The following CDON variants were observed in gnomAD, a reference collection of about 807,000 sequenced individuals.
CDON encodes the protein cell adhesion associated, oncogene regulated, also known as cell adhesion molecule-related/down-regulated by oncogenes.
CDON carries 73 observed loss-of-function variants against 120.9 expected under a neutral mutation model. That is an observed-to-expected ratio of 0.60 (90% CI 0.50 to 0.73). The LOEUF is 0.73. Among genes scored for constraint, CDON ranks in the 30% least tolerant of loss-of-function variants. CDON has a pLI of 0.00. For synonymous variants in CDON, 566 were observed against 573.5 expected (o/e 0.99, Z 0.19); for missense variants, 1,470 against 1,587.3 (o/e 0.93, Z 1.26).
chr11:125,994,297 C>T lies in CDON; in HGVS notation c.2637G>A (p.Arg879=), dbSNP rs1946713601. 1 of 1,581,650 alleles carries T rather than the reference C, an allele frequency of 6.3e-7. No individual in the cohort carries two copies. The change falls in exon 14 of 20, where the codon AGG becomes AGA. Residue 879 remains arginine (R), a synonymous_variant. Coordinates refer to ENST00000531738, the MANE Select transcript of CDON (RefSeq NM_001378964.1). ...CAGGGGACTTACCTTCTACAACATC[C>T]CTCTTGTAATCACTGTCATTGTCAC... ...TDSDNDSDYK[R]DVVEGSKQWH...
intron 10 of CDON, among the ~76,000 whole-genome samples, chr11:126,003,004 C>T (rs749960633): frequency 3.3e-5 from 5 of 152,160 alleles, no homozygotes; most frequent in Admixed American, 6.5e-5. Flanking sequence ...ACTTCCCCTC[C>T]TTCATGTCTC....
At position 125,961,065 on chromosome 11, in the gene CDON, T is replaced by A. The variant is rs754634732; in HGVS notation, c.3672A>T (p.Val1224=). The A allele has an allele frequency of 1.2e-6, 2 of 1,613,980 alleles. No homozygotes were observed. The highest frequency in any genetic ancestry group is 3.3e-5 in the Admixed American group (2 of 60,030). The change falls in exon 20 of 20, where the codon GTA becomes GTT. Residue 1224 remains valine, a synonymous_variant. Transcript: ENST00000531738. ...GTGGCAAAATAAGAGCATTCCAACT[T>A]ACAATGTTGATCTCTGTTTCTGAAT... ...CAHSETEINI[V]SWNALILPPV...
At chr11:126,062,004 T>C (rs1948809263) in intron 1 of CDON, among the ~76,000 whole-genome samples, 1 of 152,198 alleles carries the variant, frequency 6.6e-6, no homozygotes, top group Non-Finnish European at 1.5e-5. Context: ...AGCTGCCGAC[T>C]GAAATAAATA....
chr11:125,980,716 C>T (rs1946271494), intron 17 of CDON, among the ~76,000 whole-genome samples: 1 of 152,230 alleles, frequency 6.6e-6, no homozygotes, highest in Non-Finnish European at 1.5e-5. Flanking sequence ...TTTGCATTTT[C>T]AAGACCCTGC....
Position 126,021,243 on chromosome 11 carries a change from C to G in CDON, c.349+5G>C. ...CATACCTAACAGGGACAAAATTAAA[C>G]TCACCTGCCACAGATACTGTCGCAG... On this transcript the variant is annotated splice_donor_5th_base_variant and intron_variant, in intron 3 of 19. Coordinates refer to ENST00000531738, the MANE Select transcript of CDON (RefSeq NM_001378964.1). 6.2e-7 allele frequency: 1 copy of G among 1,613,712 alleles called. No individual in the cohort carries two copies. The highest frequency in any genetic ancestry group is 8.5e-7 in the Non-Finnish European group (1 of 1,179,866).
intron 2 of CDON, among the ~76,000 whole-genome samples, chr11:126,021,857 A>C (rs1188303246): frequency 6.6e-6 from 1 of 152,144 alleles, no homozygotes; most frequent in Non-Finnish European, 1.5e-5. Flanking sequence ...TAATACCAGC[A>C]CTTTGGGAGG....
At chr11:125,995,461 A>G (rs1946753998) in intron 12 of CDON, among the ~76,000 whole-genome samples, 1 of 152,240 alleles carries the variant, frequency 6.6e-6, no homozygotes, top group African/African-American at 2.4e-5. Flanking sequence ...ACTTTAAAAG[A>G]AACAACTGAA....
intron 18 of CDON, among the ~76,000 whole-genome samples, chr11:125,978,056 TATA>T (rs925820929): frequency 6.6e-6 from 1 of 152,168 alleles, no homozygotes; most frequent in Non-Finnish European, 1.5e-5. Context: ...CATTAAGCCT[TATA>T]ATAATATTTC....
rs372854465 is a variant in CDON, at chr11:126,005,781, G to C, written c.1829C>G (p.Ala610Gly). ...AGKDGGLPIN[A>G]YFVKYRKLDD... ...TACCTTTCGATACTTCACAAAGTAA[G>C]CATTGATGGGCAGCCCACCATCCTT... Residue 610 changes from alanine to glycine, a missense_variant, in exon 9 of 20, where the codon GCT (alanine) becomes GGT (glycine). Physicochemically the swap from Ala to Gly is moderately conservative, Grantham distance 60. Coordinates refer to ENST00000531738, the MANE Select transcript of CDON (RefSeq NM_001378964.1). The C allele has an allele frequency of 1.9e-6, 3 of 1,613,730 alleles. No homozygotes were observed. The highest frequency in any genetic ancestry group is 2.7e-5 in the African/African-American group (2 of 74,926).
At chr11:126,000,250 C>T (rs1946903164) in intron 11 of CDON, among the ~76,000 whole-genome samples, 1 of 152,166 alleles carries the variant, frequency 6.6e-6, no homozygotes, top group Non-Finnish European at 1.5e-5. Context: ...CTCTGTCACC[C>T]AGGCTGGAGT....
chr11:126,042,147 G>A (rs1251686640), intron 1 of CDON, among the ~76,000 whole-genome samples: 1 of 152,168 alleles, frequency 6.6e-6, no homozygotes, highest in East Asian at 1.9e-4. Context: ...GCCTCCCAAA[G>A]TGCTGGGATT....
rs1947268813 is a variant in CDON, at chr11:126,010,580, C to G, written c.1313G>C (p.Trp438Ser). 2 of 1,613,936 alleles carry G rather than the reference C, an allele frequency of 1.2e-6. No individual in the cohort carries two copies. The highest frequency in any genetic ancestry group is 8.5e-7 in the Non-Finnish European group (1 of 1,179,962). The change falls in exon 8 of 20, where the codon TGG becomes TCG. Residue 438 changes from tryptophan (W) to serine (S), a missense_variant. Trp to Ser is a radical substitution (Grantham distance 177). Transcript: ENST00000531738. ...ASGLPVPVIRWYDSHGLITSH... is the reference protein window; with the variant it reads ...ASGLPVPVIRSYDSHGLITSH... ...GGTTATCAATCCATGGCTGTCATACCAACGAATGACCGGAACCGGCAGCCC... is the reference window on the plus strand; with the variant it reads ...GGTTATCAATCCATGGCTGTCATACGAACGAATGACCGGAACCGGCAGCCC...
In CDON at chr11:126,022,718, A is replaced by G. The variant is rs200690052; in HGVS notation, c.76+683T>C. Reference sequence around the variant, plus strand: ...AAACAAAAGTAAAACCACAAAACCAATTTTCCCCTTATTAAATTTAATACA... The same window carrying G: ...AAACAAAAGTAAAACCACAAAACCAGTTTTCCCCTTATTAAATTTAATACA... On this transcript the variant is annotated intron_variant, in intron 2 of 19. Coordinates refer to ENST00000531738, the MANE Select transcript of CDON (RefSeq NM_001378964.1). 5.3e-5 allele frequency among the ~76,000 whole-genome samples: 8 copies of G among 152,182 alleles called. No individual in the cohort carries two copies. The East Asian group carries it at 1.3e-3, about 26-fold the overall frequency.
At chr11:125,972,993 T>G (rs571572071) in intron 18 of CDON, among the ~76,000 whole-genome samples, 1 of 142,578 alleles carries the variant, frequency 7.0e-6, no homozygotes, top group South Asian at 2.4e-4. Flanking sequence ...CTTCCTCCAC[T>G]GGCCTCTTCA....
intron 1 of CDON, among the ~76,000 whole-genome samples, chr11:126,039,883 G>C (rs550458085): frequency 2.8e-4 from 42 of 152,218 alleles, no homozygotes; most frequent in Admixed American, 1.7e-3. Context: ...ATCACAAGCA[G>C]CCCTACATTC....
intron 7 of CDON, 122 bp from the exon 8 acceptor site, chr11:126,010,816 T>G: frequency 2.6e-6 from 2 of 768,304 alleles, no homozygotes; most frequent in Non-Finnish European, 4.5e-6. Context: ...GCTACCTCCT[T>G]ATTAGTTCCC....
intron 1 of CDON, among the ~76,000 whole-genome samples, chr11:126,032,439 T>C (rs547126097): frequency 6.6e-6 from 1 of 151,922 alleles, no homozygotes; most frequent in Non-Finnish European, 1.5e-5. Context: ...GAAAGCAACA[T>C]AAATGAGCAG....
intron 12 of CDON, 81 bp downstream of exon 12, chr11:125,997,126 T>G: frequency 8.7e-7 from 1 of 1,147,936 alleles, no homozygotes; most frequent in South Asian, 1.3e-5. Flanking sequence ...GCCAACAGAG[T>G]GAGACCCTGT....
chr11:126,009,293 C>T lies in CDON; in HGVS notation c.1552+1048G>A, dbSNP rs117321137. 1.2e-4 allele frequency among the ~76,000 whole-genome samples: 18 copies of T among 152,284 alleles called. No homozygotes were observed. In the East Asian group the frequency reaches 1.9e-3, roughly 16 times the overall value. ...TGAAGGGAAATCGTATGTGCACATA[C>T]GAACTCTTTTTTATTTCAACCATCA... is the stretch of plus-strand genomic sequence containing the variant. On this transcript the variant is annotated intron_variant, in intron 8 of 19. Transcript: ENST00000531738.
Sources: allele counts gnomAD v4.1 joint callset (sites outside exome capture counted in the v4.1 genomes callset), GRCh38; gene constraint gnomAD v4.1.1; transcripts MANE v1.5; gene names NCBI Gene and HGNC (gene_info 2026-07-23, HGNC 2026-07-21).